SLIT2: variants seen among roughly 807,000 people sequenced by gnomAD.
SLIT2 encodes the protein slit guidance ligand 2, also known as slit homolog 2 protein.
SLIT2 carries 41 observed loss-of-function variants against 185.7 expected under a neutral mutation model. The observed-to-expected ratio is 0.22, with a 90% CI of 0.17 to 0.29. The LOEUF is 0.29. Ranked by LOEUF, SLIT2 falls within the 10% of genes least tolerant of loss-of-function variation. The pLI is 1.00. For missense variants in SLIT2, 1,571 were observed against 1,909.0 expected, an observed-to-expected ratio of 0.82 and a Z score of 3.30; for synonymous variants, 693 against 680.2, an observed-to-expected ratio of 1.02 and a Z score of -0.29.
At position 20,588,949 on chromosome 4, in the gene SLIT2, A is replaced by G. The variant is rs571203247; in HGVS notation, c.3089-695A>G. Among the ~76,000 whole-genome samples the G allele has an allele frequency of 9.2e-5, 14 of 152,312 alleles. No individual in the cohort carries two copies. In the East Asian group the frequency reaches 2.7e-3, roughly 29 times the overall value. ...TTTATATGTCAGAGGATGTGGCTCT[A>G]AGAAGTTTTCTGTTGAGCTGCGGCA... On this transcript the variant is annotated intron_variant, in intron 29 of 36. Coordinates refer to ENST00000504154, the MANE Select transcript of SLIT2 (RefSeq NM_004787.4).
At chr4:20,598,672 C>A (rs1577999843) in intron 33 of SLIT2, among the ~76,000 whole-genome samples, 1 of 152,026 alleles carries the variant, frequency 6.6e-6, no homozygotes, top group Admixed American at 6.6e-5. Flanking sequence ...GTGTTGCTAC[C>A]CATATGCCTG....
intron 4 of SLIT2, among the ~76,000 whole-genome samples, chr4:20,459,767 A>G (rs1456114841): frequency 6.6e-6 from 1 of 152,032 alleles, no homozygotes; most frequent in African/African-American, 2.4e-5. Flanking sequence ...TTATGTCTAT[A>G]ATGCCAGATT....
intron 12 of SLIT2, among the ~76,000 whole-genome samples, chr4:20,520,267 A>G (rs1047401887): frequency 2.6e-5 from 4 of 152,206 alleles, no homozygotes; most frequent in Non-Finnish European, 1.5e-5. Context: ...AGTATTTACC[A>G]TACATATTTG....
At chr4:20,543,822 T>C (rs1723023471) in intron 21 of SLIT2, among the ~76,000 whole-genome samples, 1 of 152,230 alleles carries the variant, frequency 6.6e-6, no homozygotes, top group Non-Finnish European at 1.5e-5. Context: ...CCTCTCTCAC[T>C]ACCAATCACA....
chr4:20,599,562 C>T (rs1012965514), intron 33 of SLIT2, among the ~76,000 whole-genome samples: 14 of 152,240 alleles, frequency 9.2e-5, no homozygotes, highest in African/African-American at 3.1e-4. Context: ...GTGGTTGTGA[C>T]TGGAATGAAC....
At chr4:20,448,917 T>C (rs1014820161) in intron 4 of SLIT2, among the ~76,000 whole-genome samples, 1 of 152,194 alleles carries the variant, frequency 6.6e-6, no homozygotes, top group African/African-American at 2.4e-5. Flanking sequence ...ATTACAGGCG[T>C]GGGCCACAGC....
intron 22 of SLIT2, among the ~76,000 whole-genome samples, chr4:20,546,890 G>A (rs967375640): frequency 1.3e-5 from 2 of 152,040 alleles, no homozygotes; most frequent in African/African-American, 2.4e-5. Flanking sequence ...GAAAAAGATA[G>A]TAGATATTAA....
Position 20,398,796 on chromosome 4 carries a change from A to T in SLIT2, c.396-68956A>T, listed in dbSNP as rs1188210689. Among the ~76,000 whole-genome samples the T allele has an allele frequency of 8.6e-5, 13 of 151,928 alleles. No individual in the cohort carries two copies. The East Asian group carries it at 2.5e-3, about 29-fold the overall frequency. ...CAATTATAATTTCCATTAATTCTGG[A>T]ATATTTAATTATATTTTGTTAACAT... On this transcript the variant is annotated intron_variant, in intron 4 of 36. Coordinates refer to ENST00000504154, the MANE Select transcript of SLIT2 (RefSeq NM_004787.4).
intron 7 of SLIT2, among the ~76,000 whole-genome samples, chr4:20,487,235 C>T (rs561424001): frequency 6.6e-6 from 1 of 152,068 alleles, no homozygotes; most frequent in Non-Finnish European, 1.5e-5. Flanking sequence ...TATTATTTAG[C>T]AAAATAAAGG....
At chr4:20,527,225 A>G (rs1218155086) in intron 15 of SLIT2, among the ~76,000 whole-genome samples, 1 of 152,126 alleles carries the variant, frequency 6.6e-6, no homozygotes, top group Admixed American at 6.6e-5. Context: ...GTACCTCGCT[A>G]CTACCATTTT....
intron 21 of SLIT2, among the ~76,000 whole-genome samples, chr4:20,544,568 C>A (rs1389512174): frequency 6.6e-6 from 1 of 152,080 alleles, no homozygotes; most frequent in Non-Finnish European, 1.5e-5. Context: ...TCAAGTTTTA[C>A]CCCCTGGAGA....
At chr4:20,510,350 T>G in intron 9 of SLIT2, 145 bp from the exon 10 acceptor site, 1 of 648,018 alleles carries the variant, frequency 1.5e-6, no homozygotes, top group Non-Finnish European at 2.7e-6. Flanking sequence ...ACAGAAAAAT[T>G]AAATTTAGTA....
intron 4 of SLIT2, among the ~76,000 whole-genome samples, chr4:20,298,460 T>G (rs1716717311): frequency 1.3e-5 from 2 of 152,314 alleles, no homozygotes; most frequent in Admixed American, 1.3e-4. Context: ...TTTTGATATT[T>G]GTCCTTTTCT....
intron 32 of SLIT2, among the ~76,000 whole-genome samples, chr4:20,597,314 C>T (rs1321784784): frequency 6.6e-6 from 1 of 152,056 alleles, no homozygotes; most frequent in Non-Finnish European, 1.5e-5. Flanking sequence ...GTGATCTACC[C>T]ACTTCGGCCT....
chr4:20,260,393 G>A (rs778748963), intron 3 of SLIT2, among the ~76,000 whole-genome samples: 1 of 151,662 alleles, frequency 6.6e-6, no homozygotes, highest in East Asian at 1.9e-4. Context: ...ATAAAATTAG[G>A]TTTATGTTGT....
At position 20,569,274 on chromosome 4, in the gene SLIT2, C is replaced by A. The variant is rs1382864976; in HGVS notation, c.3088+270C>A. The A allele has an allele frequency of 1.0e-5, 4 of 387,138 alleles. No homozygotes were observed. The East Asian group carries it at 2.1e-4, about 20-fold the overall frequency. 24.0% of individuals were successfully genotyped at this position (387,138 alleles called of 1,614,324 possible). On this transcript the variant is annotated intron_variant, in intron 29 of 36. Coordinates refer to ENST00000504154, the MANE Select transcript of SLIT2 (RefSeq NM_004787.4). ...AAGCTATTTTGCTAAAGCTTTTAGT[C>A]CCACAATTAAATGGCATTTTTGTGC... is the stretch of plus-strand genomic sequence containing the variant.
At chr4:20,618,026 A>T (rs1729817322) in intron 36 of SLIT2, among the ~76,000 whole-genome samples, 1 of 152,168 alleles carries the variant, frequency 6.6e-6, no homozygotes. Context: ...TATATTATTA[A>T]TTCATCTTCT....
intron 4 of SLIT2, among the ~76,000 whole-genome samples, chr4:20,448,696 G>A (rs1345113631): frequency 6.6e-6 from 1 of 151,802 alleles, no homozygotes; most frequent in African/African-American, 2.4e-5. Flanking sequence ...GGAGTGCAGT[G>A]GCGTGATCTT....
intron 4 of SLIT2, among the ~76,000 whole-genome samples, chr4:20,351,301 G>A (rs1275722793): frequency 6.6e-6 from 1 of 152,120 alleles, no homozygotes; most frequent in African/African-American, 2.4e-5. Flanking sequence ...CACCCGCCTC[G>A]GCCTGCCAAA....
Sources: gnomAD v4.1 joint callset for allele counts (sites outside exome capture counted in the v4.1 genomes callset) on GRCh38, gnomAD v4.1.1 for gene constraint, MANE v1.5 for transcripts, NCBI Gene and HGNC (gene_info 2026-07-23, HGNC 2026-07-21) for gene names.